TRIM61: variants seen among roughly 807,000 people sequenced by gnomAD.
TRIM61 encodes tripartite motif containing 61.
In TRIM61, 1 loss-of-function variant was observed where a neutral mutation model predicts 14.2. The ratio of observed to expected loss-of-function variants is 0.07; its 90% confidence interval spans 0.03 to 0.33. The LOEUF is 0.33. TRIM61 is among the 10% of genes least tolerant of loss of function. TRIM61 has a pLI of 0.99. For synonymous variants in TRIM61, 8 were observed against 71.6 expected (o/e 0.11, Z 4.49); for missense variants, 19 against 202.2 (o/e 0.09, Z 5.49).
At chr4:164,957,978 A>G (rs989554471) in intron 3 of TRIM61, 2 of 168,840 alleles carry the variant, frequency 1.2e-5, no homozygotes, top group African/African-American at 4.8e-5. Context: ...TTCATTTTAC[A>G]TAGATCTGAC....
At chr4:164,972,599 C>T (rs1335753244) in intron 2 of TRIM61, among the ~76,000 whole-genome samples, 2 of 152,192 alleles carry the variant, frequency 1.3e-5, no homozygotes, top group East Asian at 1.9e-4. Context: ...AGTGATTCTC[C>T]TGCCTCAGCC....
rs1579152899 is a variant in TRIM61, at chr4:164,976,811, C to G, written c.-461G>C. ...TGATGCTGCTGGCCTGCGGACTGTA[C>G]TTTGTGAACCTATGCTTTAAGGAAA... is the stretch of plus-strand genomic sequence containing the variant. On this transcript the variant is annotated 5_prime_UTR_variant, in exon 2 of 5. Transcript: ENST00000329314. 1 of 152,176 alleles carries G rather than the reference C, an allele frequency of 6.6e-6. No homozygotes were observed. Among genetic ancestry groups the G allele is most frequent in the Non-Finnish European group, 1.5e-5 (1 of 68,040 alleles). The allele number at this position is 152,176 out of a possible 1,614,324, so 9.4% of individuals were successfully genotyped here. A position where few individuals can be genotyped will look rare whatever the true frequency, so the allele number is the denominator to read the frequency against.
rs554010866 is a variant in TRIM61, at chr4:164,964,186, A to G, written c.525+5292T>C. ...AACACAGTGAAACCCCATCTCTATT[A>G]AAAATACAAAAATTCGCCGGGCTTG... On this transcript the variant is annotated intron_variant, in intron 3 of 4. Coordinates refer to ENST00000329314, the MANE Select transcript of TRIM61 (RefSeq NM_001012414.3). Among the ~76,000 whole-genome samples, 4 of 151,918 alleles carry G rather than the reference A, an allele frequency of 2.6e-5. No homozygotes were observed. In the South Asian group the frequency reaches 8.3e-4, roughly 32 times the overall value.
intron 3 of TRIM61, among the ~76,000 whole-genome samples, chr4:164,966,283 T>C (rs1290234245): frequency 1.3e-5 from 2 of 152,154 alleles, no homozygotes; most frequent in African/African-American, 4.8e-5. Flanking sequence ...CACTTGACAA[T>C]ACATGGCTCA....
intron 3 of TRIM61, among the ~76,000 whole-genome samples, chr4:164,964,175 C>T (rs1470746303): frequency 6.6e-6 from 1 of 151,380 alleles, no homozygotes; most frequent in African/African-American, 2.4e-5. Context: ...CAGTGAAACC[C>T]CATCTCTATT....
At chr4:164,964,145 C>A (rs538588976) in intron 3 of TRIM61, among the ~76,000 whole-genome samples, 2 of 151,558 alleles carry the variant, frequency 1.3e-5, no homozygotes, top group Non-Finnish European at 2.9e-5. Context: ...GTCAGGAAAT[C>A]GAGACCATCC....
At chr4:164,967,123 T>C (rs1732259887) in intron 3 of TRIM61, among the ~76,000 whole-genome samples, 3 of 152,106 alleles carry the variant, frequency 2.0e-5, no homozygotes, top group African/African-American at 4.8e-5. Flanking sequence ...ATACTAGTAA[T>C]GAACAACTAG....
chr4:164,960,156 G>T (rs1039025743), intron 3 of TRIM61, among the ~76,000 whole-genome samples: 30 of 152,110 alleles, frequency 2.0e-4, no homozygotes, highest in African/African-American at 7.0e-4. Flanking sequence ...GAACCTGGAG[G>T]CATGGAAGAA....
chr4:164,972,779 G>A (rs1025112660), intron 2 of TRIM61, among the ~76,000 whole-genome samples: 2 of 152,240 alleles, frequency 1.3e-5, no homozygotes, highest in Middle Eastern at 3.4e-3. Context: ...ATTAGCCACC[G>A]CACCTGACAT....
At chr4:164,958,250 A>G (rs958537507) in intron 3 of TRIM61, 6 of 167,098 alleles carry the variant, frequency 3.6e-5, no homozygotes, top group African/African-American at 1.4e-4. Context: ...TAACTTTGCC[A>G]AAGTAATTAC....
intron 3 of TRIM61, chr4:164,958,512 A>G (rs1287955117): frequency 6.0e-6 from 1 of 167,032 alleles, no homozygotes; most frequent in Non-Finnish European, 1.5e-5. Flanking sequence ...ATTATTTAGG[A>G]GAGGAGCTCT....
intron 3 of TRIM61, chr4:164,958,533 A>G (rs145749945): frequency 2.0e-4 from 33 of 167,090 alleles, no homozygotes; most frequent in Non-Finnish European, 3.8e-4. Flanking sequence ...TCAATTCTGA[A>G]TTGTCTGCCA....
intron 3 of TRIM61, chr4:164,957,051 G>A: frequency 6.6e-7 from 1 of 1,510,520 alleles, no homozygotes; most frequent in Admixed American, 2.1e-5. Flanking sequence ...CGGCGGGGCA[G>A]CTGTCCTCTT....
chr4:164,966,423 C>A (rs1732238875), intron 3 of TRIM61, among the ~76,000 whole-genome samples: 1 of 152,140 alleles, frequency 6.6e-6, no homozygotes, highest in Admixed American at 6.6e-5. Context: ...AGTGGGACAT[C>A]ATAATACTTC....
intron 2 of TRIM61, among the ~76,000 whole-genome samples, chr4:164,975,427 G>A (rs1424054576): frequency 1.3e-5 from 2 of 152,176 alleles, no homozygotes; most frequent in African/African-American, 2.4e-5. Flanking sequence ...AAGGGAAGAC[G>A]TAAGAGACTC....
chr4:164,956,988 G>C (rs1380808637), intron 3 of TRIM61: 1 of 1,455,658 alleles, frequency 6.9e-7, no homozygotes, highest in South Asian at 1.5e-5. Context: ...GTGGCGCGAC[G>C]TTGGAGACCG....
At chr4:164,957,435 C>A in intron 3 of TRIM61, 2 of 1,613,966 alleles carry the variant, frequency 1.2e-6, no homozygotes, top group Non-Finnish European at 1.7e-6. Context: ...CTTTTTGTGA[C>A]AAGGACTAGA....
chr4:164,961,056 A>G (rs1222643909), intron 3 of TRIM61, among the ~76,000 whole-genome samples: 1 of 151,332 alleles, frequency 6.6e-6, no homozygotes, highest in Non-Finnish European at 1.5e-5. Context: ...AATATAAGGC[A>G]CACAAAAAGA....
chr4:164,957,685 C>T lies in TRIM61; in HGVS notation c.526-2589G>A, dbSNP rs1050326187. Reference sequence around the variant, plus strand: ...GATTTTGAGCACTTTGTGCTTTATTCGGAAAATGAATAAGATGCAGTTCTG... The same window carrying T: ...GATTTTGAGCACTTTGTGCTTTATTTGGAAAATGAATAAGATGCAGTTCTG... On this transcript the variant is annotated intron_variant, in intron 3 of 4. Coordinates refer to ENST00000329314, the MANE Select transcript of TRIM61 (RefSeq NM_001012414.3). The T allele has an allele frequency of 7.4e-5, 51 of 690,856 alleles. 1 individual carries two copies. Among genetic ancestry groups the T allele is most frequent in the Non-Finnish European group, 1.1e-4 (47 of 432,222 alleles). The allele number at this position is 690,856 out of a possible 1,614,324, so 42.8% of individuals were successfully genotyped here.
Sources: allele counts gnomAD v4.1 joint callset (sites outside exome capture counted in the v4.1 genomes callset), GRCh38; gene constraint gnomAD v4.1.1; transcripts MANE v1.5; gene names NCBI Gene and HGNC (gene_info 2026-07-23, HGNC 2026-07-21).